Variants in CNTNAP4 observed in about 807,000 individuals in gnomAD.
CNTNAP4 encodes contactin-associated protein-like 4.
A neutral mutation model predicts 148.4 loss-of-function variants in CNTNAP4; 98 were observed. The ratio of observed to expected loss-of-function variants is 0.66; its 90% CI spans 0.56 to 0.78. CNTNAP4 has a LOEUF of 0.78. Ranked by LOEUF, CNTNAP4 falls within the 30% of genes least tolerant of loss-of-function variation. The pLI, the probability that CNTNAP4 is intolerant of heterozygous loss-of-function variation, is 0.00. For missense variants in CNTNAP4, 1,935 were observed against 1,565.6 expected, an observed-to-expected ratio of 1.24 and a Z score of -3.98; for synonymous variants, 730 against 565.1, an observed-to-expected ratio of 1.29 and a Z score of -4.14.
rs1208207629 is a variant in CNTNAP4, at chr16:76,509,778, C to G, written c.2365+11084C>G. ...AAAGGCTAACCACTAGTTCTATTCT[C>G]CAATGCTTTTTATTTTGATTAATTT... On this transcript the variant is annotated intron_variant, in intron 15 of 23. Coordinates refer to ENST00000611870, the MANE Select transcript of CNTNAP4 (RefSeq NM_033401.5). 2.1e-5 allele frequency among the ~76,000 whole-genome samples: 2 copies of G among 96,386 alleles called. 1 individual carries two copies. 63.2% of individuals were successfully genotyped at this position (96,386 alleles called of 152,430 possible). A position where few individuals can be genotyped will look rare whatever the true frequency, so the allele number is the denominator to read the frequency against.
intron 3 of CNTNAP4, among the ~76,000 whole-genome samples, chr16:76,370,242 G>A (rs890384521): frequency 1.3e-5 from 2 of 152,166 alleles, no homozygotes; most frequent in Non-Finnish European, 2.9e-5. Context: ...ATAGCTGTGT[G>A]GGTTTCATAT....
At chr16:76,320,324 C>T (rs1962273817) in intron 2 of CNTNAP4, among the ~76,000 whole-genome samples, 1 of 152,064 alleles carries the variant, frequency 6.6e-6, no homozygotes, top group Non-Finnish European at 1.5e-5. Flanking sequence ...CTCCTTGAAG[C>T]TTATAGCAAA....
At chr16:76,511,697 T>C (rs1426095648) in intron 15 of CNTNAP4, among the ~76,000 whole-genome samples, 1 of 152,190 alleles carries the variant, frequency 6.6e-6, no homozygotes, top group Non-Finnish European at 1.5e-5. Context: ...GCCCTCTTTC[T>C]CTTCCTCTTT....
intron 21 of CNTNAP4, among the ~76,000 whole-genome samples, chr16:76,541,084 T>A (rs1407205952): frequency 1.3e-5 from 2 of 152,090 alleles, no homozygotes; most frequent in African/African-American, 4.8e-5. Context: ...TATTAAATAA[T>A]TGAAAATAAA....
chr16:76,328,836 G>T (rs938628086), intron 2 of CNTNAP4, among the ~76,000 whole-genome samples: 2 of 152,024 alleles, frequency 1.3e-5, no homozygotes, highest in African/African-American at 4.8e-5. Flanking sequence ...GTAGAGACGG[G>T]GTTTCTCCAT....
chr16:76,444,917 GT>G (rs1264948305), intron 4 of CNTNAP4, among the ~76,000 whole-genome samples: 1 of 152,106 alleles, frequency 6.6e-6, no homozygotes, highest in Non-Finnish European at 1.5e-5. Flanking sequence ...ACTGTAGCCA[GT>G]TTGTTGATTT....
rs1959782067 is a variant in CNTNAP4, at chr16:76,300,029, G to T, written c.86-16384G>T. Among the ~76,000 whole-genome samples, 3 of 151,998 alleles carry T rather than the reference G, an allele frequency of 2.0e-5. No homozygotes were observed. The South Asian group carries it at 6.2e-4, about 32-fold the overall frequency. ...GGAGTGGGGAGGGATAGCATTAGGAGATATGCCTAATGTTAAATGATGAGT... is the reference window on the plus strand; with the variant it reads ...GGAGTGGGGAGGGATAGCATTAGGATATATGCCTAATGTTAAATGATGAGT... On this transcript the variant is annotated intron_variant, in intron 1 of 23. Transcript: ENST00000611870.
In CNTNAP4 at chr16:76,539,652, A is replaced by AT. The variant is rs967187945; in HGVS notation, c.3221-62dup. On this transcript the variant is annotated intron_variant, in intron 19 of 23. Coordinates refer to ENST00000611870, the MANE Select transcript of CNTNAP4 (RefSeq NM_033401.5). ...TAAATAGCAACAAAAAATCACTCTGATTTTTAAGTAAGCCGCTCTCAAAGT... is the reference window on the plus strand; with the variant it reads ...TAAATAGCAACAAAAAATCACTCTGATTTTTTAAGTAAGCCGCTCTCAAAGT... 4.5e-6 allele frequency: 6 copies of AT among 1,344,986 alleles called. No individual in the cohort carries two copies. The African/African-American group carries it at 7.6e-5, about 17-fold the overall frequency. 83.3% of individuals were successfully genotyped at this position (1,344,986 alleles called of 1,614,324 possible).
intron 2 of CNTNAP4, among the ~76,000 whole-genome samples, chr16:76,346,451 A>AG (rs5817985): frequency 2.0e-5 from 3 of 147,894 alleles, no homozygotes; most frequent in African/African-American, 7.4e-5. Flanking sequence ...AAAAAAAAAA[A>AG]GAAGGTAGAG....
At chr16:76,424,752 C>T (rs1018503811) in intron 3 of CNTNAP4, among the ~76,000 whole-genome samples, 3 of 139,116 alleles carry the variant, frequency 2.2e-5, no homozygotes, top group Admixed American at 1.5e-4. Flanking sequence ...GAGTGAGACT[C>T]GGTCTAAAAA....
intron 13 of CNTNAP4, among the ~76,000 whole-genome samples, chr16:76,494,293 A>C (rs555644618): frequency 1.3e-5 from 2 of 152,190 alleles, no homozygotes; most frequent in African/African-American, 4.8e-5. Context: ...CGCTTCCAGC[A>C]TGAAGATTTT....
At chr16:76,460,771 A>ATAAATAAAT (rs1189756560) in intron 8 of CNTNAP4, among the ~76,000 whole-genome samples, 1 of 33,658 alleles carries the variant, frequency 3.0e-5, no homozygotes, top group African/African-American at 8.8e-5. Context: ...AAAAAAAAAA[A>ATAAATAAAT]AAATATATAT....
At chr16:76,341,578 A>G (rs1444763087) in intron 2 of CNTNAP4, among the ~76,000 whole-genome samples, 3 of 152,198 alleles carry the variant, frequency 2.0e-5, no homozygotes, top group African/African-American at 2.4e-5. Context: ...TTATGTGGCC[A>G]TCTGGTTTTG....
In CNTNAP4 at chr16:76,491,010, A is replaced by G. The variant is rs185877823; in HGVS notation, c.2080+1127A>G. Among the ~76,000 whole-genome samples, 640 of 152,116 alleles carry G rather than the reference A, an allele frequency of 4.2e-3. 6 individuals carry two copies. Among genetic ancestry groups the G allele is most frequent in the African/African-American group, 0.015 (619 of 41,386 alleles). ...AGCATATGTCATAAAGATCATGCAAAAACGCTGAACTGTCGTTCTGACATT... is the reference window on the plus strand; with the variant it reads ...AGCATATGTCATAAAGATCATGCAAGAACGCTGAACTGTCGTTCTGACATT... On this transcript the variant is annotated intron_variant, in intron 13 of 23. Transcript: ENST00000611870.
rs932973650 is a variant in CNTNAP4 at position 76,475,865 on chromosome 16, A to T, written c.1656-74A>T. On this transcript the variant is annotated intron_variant, in intron 10 of 23. Coordinates refer to ENST00000611870, the MANE Select transcript of CNTNAP4 (RefSeq NM_033401.5). ...ATAGTTGACATCTGTCTTTCTCATGACCAAGTATAAATGGTCAATACTTTA... is the reference window on the plus strand; with the variant it reads ...ATAGTTGACATCTGTCTTTCTCATGTCCAAGTATAAATGGTCAATACTTTA... 4 of 983,160 alleles carry T rather than the reference A, an allele frequency of 4.1e-6. No individual in the cohort carries two copies. The African/African-American group carries it at 6.4e-5, about 16-fold the overall frequency. The allele number at this position is 983,160 out of a possible 1,614,324, so 60.9% of individuals were successfully genotyped here. A position where few individuals can be genotyped will look rare whatever the true frequency, so the allele number is the denominator to read the frequency against.
chr16:76,343,329 C>T (rs1025853980), intron 2 of CNTNAP4, among the ~76,000 whole-genome samples: 3 of 152,088 alleles, frequency 2.0e-5, no homozygotes, highest in African/African-American at 7.2e-5. Flanking sequence ...TTAGAACTTT[C>T]CATTATACAT....
chr16:76,370,331 C>A (rs980425293), intron 3 of CNTNAP4, among the ~76,000 whole-genome samples: 2 of 152,024 alleles, frequency 1.3e-5, no homozygotes, highest in African/African-American at 4.8e-5. Flanking sequence ...TTGTCCTCTG[C>A]GCCAGTGCCC....
intron 15 of CNTNAP4, among the ~76,000 whole-genome samples, chr16:76,500,272 C>T (rs1597747370): frequency 1.3e-5 from 2 of 152,306 alleles, no homozygotes; most frequent in African/African-American, 4.8e-5. Context: ...CGGGCGGGGG[C>T]TGTATTGTGA....
chr16:76,393,646 G>A (rs1011520484), intron 3 of CNTNAP4, among the ~76,000 whole-genome samples: 9 of 152,062 alleles, frequency 5.9e-5, no homozygotes, highest in African/African-American at 1.9e-4. Flanking sequence ...AGGACTTCAT[G>A]GGGGGTGGGT....
Sources: gnomAD v4.1 joint callset for allele counts (sites outside exome capture counted in the v4.1 genomes callset) on GRCh38, gnomAD v4.1.1 for gene constraint, MANE v1.5 for transcripts, NCBI Gene and HGNC (gene_info 2026-07-23, HGNC 2026-07-21) for gene names.